Variants in TASP1 observed in about 807,000 individuals in gnomAD.
TASP1 encodes threonine aspartase 1.
TASP1 carries 16 observed loss-of-function variants against 56.6 expected under a neutral mutation model. That is an observed-to-expected ratio of 0.28 (90% CI 0.19 to 0.43). The LOEUF is 0.43. Among genes scored for constraint, TASP1 ranks in the 20% least tolerant of loss-of-function variants. The pLI is 1.00. For synonymous variants in TASP1, 179 were observed against 184.2 expected, an observed-to-expected ratio of 0.97 and a Z score of 0.23; for missense variants, 393 against 511.6, an observed-to-expected ratio of 0.77 and a Z score of 2.24.
intron 11 of TASP1, among the ~76,000 whole-genome samples, chr20:13,452,836 T>C (rs907694169): frequency 6.6e-5 from 10 of 152,092 alleles, no homozygotes; most frequent in Admixed American, 2.0e-4. Context: ...GTCACAGCTC[T>C]TGACTATTTG....
chr20:13,344,982 G>C, the TASP1 span, among the ~76,000 whole-genome samples: 1 of 152,116 alleles, frequency 6.6e-6, no homozygotes. Context: ...CCTCACACAG[G>C]CAAGCATGTC....
chr20:13,347,153 T>G, the TASP1 span, among the ~76,000 whole-genome samples: 1 of 152,328 alleles, frequency 6.6e-6, no homozygotes, highest in South Asian at 2.1e-4. Flanking sequence ...TGCCTATATG[T>G]GTTTATACAG....
the TASP1 span, among the ~76,000 whole-genome samples, chr20:13,372,371 T>G: frequency 6.6e-6 from 1 of 152,188 alleles, no homozygotes; most frequent in East Asian, 1.9e-4. Context: ...CTCTGTCTGC[T>G]GATCTTCAGA....
At chr20:13,581,634 C>A (rs922544646) in intron 5 of TASP1, among the ~76,000 whole-genome samples, 2 of 152,110 alleles carry the variant, frequency 1.3e-5, no homozygotes, top group Non-Finnish European at 2.9e-5. Context: ...TAGTGCTTAT[C>A]CAGGAGAACT....
At position 13,398,929 on chromosome 20, in the gene TASP1, T is replaced by C. The variant is rs2041641327; in HGVS notation, c.1171-8477A>G. ...TACCTCAAATTCTTTCCTTCCATTT[T>C]CTCTTTAAGCCCTCTATAATCAGCT... On this transcript the variant is annotated intron_variant, in intron 13 of 13. Transcript: ENST00000337743. Among the ~76,000 whole-genome samples, 3 of 152,168 alleles carry C rather than the reference T, an allele frequency of 2.0e-5. 1 individual carries two copies. In the South Asian group the frequency reaches 6.2e-4, roughly 32 times the overall value.
chr20:13,347,734 C>T, the TASP1 span, among the ~76,000 whole-genome samples: 1 of 151,690 alleles, frequency 6.6e-6, no homozygotes, highest in Admixed American at 6.6e-5. Context: ...CCCAGCTACT[C>T]GAGAGGCTGA....
chr20:13,349,943 G>C, the TASP1 span, among the ~76,000 whole-genome samples: 2 of 152,304 alleles, frequency 1.3e-5, no homozygotes, highest in South Asian at 4.1e-4. Flanking sequence ...TTGAGCCCAG[G>C]AGTTTGAGAC....
At chr20:13,350,100 T>C in the TASP1 span, among the ~76,000 whole-genome samples, 59 of 152,284 alleles carry the variant, frequency 3.9e-4, no homozygotes, top group Admixed American at 8.5e-4. Context: ...GCCTCTGCAC[T>C]TCAGCCTGGG....
chr20:13,474,294 T>A (rs896659788), intron 11 of TASP1, among the ~76,000 whole-genome samples: 8 of 152,152 alleles, frequency 5.3e-5, no homozygotes, highest in Non-Finnish European at 1.2e-4. Flanking sequence ...CCTCCCAATC[T>A]TCTCCTATGA....
At chr20:13,545,421 T>G (rs1568566043) in intron 8 of TASP1, among the ~76,000 whole-genome samples, 1 of 152,178 alleles carries the variant, frequency 6.6e-6, no homozygotes, top group Non-Finnish European at 1.5e-5. Context: ...TCATACATAT[T>G]TCAAAATATT....
At chr20:13,483,412 A>G in intron 10 of TASP1, 75 bp from the exon 11 acceptor site, 2 of 887,462 alleles carry the variant, frequency 2.3e-6, no homozygotes, top group African/African-American at 1.7e-5. Context: ...GCATTAGAAC[A>G]CCCTTATGCA....
At chr20:13,172,723 G>T in the TASP1 span, among the ~76,000 whole-genome samples, 1 of 152,100 alleles carries the variant, frequency 6.6e-6, no homozygotes, top group Non-Finnish European at 1.5e-5. Context: ...GTAAAACGGG[G>T]ATTTTTTTAA....
At chr20:13,349,190 C>T in the TASP1 span, among the ~76,000 whole-genome samples, 1 of 152,172 alleles carries the variant, frequency 6.6e-6, no homozygotes, top group Non-Finnish European at 1.5e-5. Flanking sequence ...GGCTGTCTCA[C>T]AGCTGGGACT....
At chr20:13,113,523 C>G in the TASP1 span, among the ~76,000 whole-genome samples, 1 of 152,128 alleles carries the variant, frequency 6.6e-6, no homozygotes, top group Non-Finnish European at 1.5e-5. Context: ...AGAAGTCAGA[C>G]AACTCCACAA....
intron 11 of TASP1, among the ~76,000 whole-genome samples, chr20:13,464,428 T>C (rs1366752190): frequency 1.3e-5 from 2 of 152,256 alleles, no homozygotes; most frequent in East Asian, 1.9e-4. Context: ...AGGAAATAAA[T>C]TTCTGTTGTT....
the TASP1 span, among the ~76,000 whole-genome samples, chr20:13,211,122 A>T: frequency 6.6e-6 from 1 of 152,208 alleles, no homozygotes; most frequent in Non-Finnish European, 1.5e-5. Context: ...GAATCTCAGT[A>T]ATTAGAGCCA....
At chr20:13,288,498 C>G in the TASP1 span, 13 of 1,601,942 alleles carry the variant, frequency 8.1e-6, no homozygotes, top group African/African-American at 1.3e-5. Context: ...TTGGGAGACT[C>G]TTTGGCCAAA....
At chr20:13,358,352 T>TG in the TASP1 span, among the ~76,000 whole-genome samples, 327 of 152,338 alleles carry the variant, frequency 2.1e-3, no homozygotes, top group African/African-American at 7.4e-3. Flanking sequence ...GTGACTTGGA[T>TG]GGGGGGACCT....
rs546419566 is a variant in TASP1, at chr20:13,469,792, C to CTTTTTTTTT, written c.985+13426_985+13434dup. 5.6e-3 allele frequency among the ~76,000 whole-genome samples: 221 copies of CTTTTTTTTT among 39,546 alleles called. 59 individuals are homozygous for CTTTTTTTTT. The highest frequency in any genetic ancestry group is 7.6e-3 in the Admixed American group (17 of 2,234). 25.9% of individuals were successfully genotyped at this position (39,546 alleles called of 152,430 possible). ...ACAGTTGTCCAGGTCAATAAATGTC[C>CTTTTTTTTT]TTTTTTTTTTTTTTTTTTTTTTTTT... On this transcript the variant is annotated intron_variant, in intron 11 of 13. Coordinates refer to ENST00000337743, the MANE Select transcript of TASP1 (RefSeq NM_017714.3).
Sources: allele counts gnomAD v4.1 joint callset (sites outside exome capture counted in the v4.1 genomes callset), GRCh38; gene constraint gnomAD v4.1.1; transcripts MANE v1.5; gene names NCBI Gene and HGNC (gene_info 2026-07-23, HGNC 2026-07-21).